The following CHST12 variants were observed in gnomAD, a reference collection of about 807,000 sequenced individuals.
CHST12 encodes carbohydrate (chondroitin 4) sulfotransferase 12.
A neutral mutation model predicts 27.9 loss-of-function variants in CHST12; 23 were observed. The observed-to-expected ratio is 0.82, with a 90% CI of 0.59 to 1.17. The LOEUF (loss-of-function observed/expected upper bound fraction) is 1.17, where lower values mean the gene tolerates loss of function less well. CHST12 is among the 50% of genes most tolerant of loss of function. The pLI, the probability that CHST12 is intolerant of heterozygous loss-of-function variation, is 0.00. For synonymous variants in CHST12, 322 were observed against 273.0 expected (o/e 1.18, Z -1.77); for missense variants, 682 against 603.0 (o/e 1.13, Z -1.37).
At chr7:2,405,513 G>T (rs1159223151) in intron 1 of CHST12, among the ~76,000 whole-genome samples, 2 of 152,204 alleles carry the variant, frequency 1.3e-5, no homozygotes, top group Non-Finnish European at 2.9e-5. Flanking sequence ...TATCCCTTTG[G>T]TGGTGGTTTG....
intron 1 of CHST12, among the ~76,000 whole-genome samples, chr7:2,425,007 A>T (rs889986177): frequency 6.6e-6 from 1 of 152,128 alleles, no homozygotes; most frequent in Non-Finnish European, 1.5e-5. Flanking sequence ...GGAGTTCAAG[A>T]CCAGCCTGGC....
intron 1 of CHST12, among the ~76,000 whole-genome samples, chr7:2,428,260 TC>T (rs1188618974): frequency 6.6e-6 from 1 of 150,740 alleles, no homozygotes; most frequent in Non-Finnish European, 1.5e-5. Context: ...AGTGGCACAA[TC>T]TCGGCTCACT....
At chr7:2,407,265 G>GC (rs1371213057) in intron 1 of CHST12, among the ~76,000 whole-genome samples, 1 of 151,058 alleles carries the variant, frequency 6.6e-6, no homozygotes, top group Non-Finnish European at 1.5e-5. Context: ...GGGCAACATA[G>GC]CAAGACCCCC....
At chr7:2,411,885 A>G (rs1461313742) in intron 1 of CHST12, among the ~76,000 whole-genome samples, 1 of 152,260 alleles carries the variant, frequency 6.6e-6, no homozygotes, top group African/African-American at 2.4e-5. Flanking sequence ...TGAGGAATAC[A>G]GAAGGTACAT....
chr7:2,434,964 C>T lies in CHST12; in HGVS notation c.*1080C>T, dbSNP rs1366502122. The T allele has an allele frequency of 1.3e-5, 2 of 152,098 alleles. No homozygotes were observed. Among genetic ancestry groups the T allele is most frequent in the Admixed American group, 1.3e-4 (2 of 15,242 alleles). 9.4% of individuals were successfully genotyped at this position (152,098 alleles called of 1,614,324 possible). On this transcript the variant is annotated 3_prime_UTR_variant, in exon 2 of 2. Coordinates refer to ENST00000618655, the MANE Select transcript of CHST12 (RefSeq NM_018641.5). ...GACGTGGTGGTGCACATCTGTAAAC[C>T]CAGCTACTCAGGAGGCTGAGGAGGG...
rs970473213 is a variant in CHST12 at position 2,407,759 on chromosome 7, A to G, written c.-78+4086A>G. 2.0e-5 allele frequency among the ~76,000 whole-genome samples: 3 copies of G among 151,336 alleles called. No homozygotes were observed. The South Asian group carries it at 6.3e-4, about 32-fold the overall frequency. Reference sequence around the variant, plus strand: ...AGCCTGGCCATCATGATGAAACCCCATCTCTACTAAAAATACAAAAATTAG... The same window carrying G: ...AGCCTGGCCATCATGATGAAACCCCGTCTCTACTAAAAATACAAAAATTAG... On this transcript the variant is annotated intron_variant, in intron 1 of 1. Transcript: ENST00000618655.
chr7:2,412,467 C>T (rs1490046300), intron 1 of CHST12, among the ~76,000 whole-genome samples: 1 of 152,192 alleles, frequency 6.6e-6, no homozygotes, highest in Non-Finnish European at 1.5e-5. Flanking sequence ...AGTTTCTGGT[C>T]TTTGTGTCAG....
intron 1 of CHST12, among the ~76,000 whole-genome samples, chr7:2,417,175 T>C (rs1781832544): frequency 6.6e-6 from 1 of 151,596 alleles, no homozygotes; most frequent in East Asian, 1.9e-4. Context: ...CGAAGACCAA[T>C]GTCCCAGCTC....
intron 1 of CHST12, among the ~76,000 whole-genome samples, chr7:2,425,438 C>T (rs1353416080): frequency 6.6e-6 from 1 of 152,058 alleles, no homozygotes; most frequent in Non-Finnish European, 1.5e-5. Context: ...TACCCTCCAC[C>T]CCCAAAAGGG....
rs1332883970 is a variant in CHST12 at position 2,435,643 on chromosome 7, G to C, written c.*1759G>C. On this transcript the variant is annotated 3_prime_UTR_variant, in exon 2 of 2. Coordinates refer to ENST00000618655, the MANE Select transcript of CHST12 (RefSeq NM_018641.5). ...CACCACTGCCCAGTCCCTGGTTGCT[G>C]GCCACGCTCAGTTGGGACATACCCT... 6.6e-6 allele frequency: 1 copy of C among 152,260 alleles called. No homozygotes were observed. The highest frequency in any genetic ancestry group is 1.5e-5 in the Non-Finnish European group (1 of 68,102). The allele number at this position is 152,260 out of a possible 1,614,324, so 9.4% of individuals were successfully genotyped here.
chr7:2,428,831 C>T (rs918130563), intron 1 of CHST12, among the ~76,000 whole-genome samples: 7 of 152,140 alleles, frequency 4.6e-5, no homozygotes, highest in African/African-American at 1.2e-4. Flanking sequence ...TACAAACAAT[C>T]CATAGAAACA....
intron 1 of CHST12, among the ~76,000 whole-genome samples, chr7:2,408,414 A>G (rs921854074): frequency 6.6e-6 from 1 of 151,758 alleles, no homozygotes; most frequent in Admixed American, 6.6e-5. Flanking sequence ...CCTCTCCAGG[A>G]CATACTGTTG....
At chr7:2,412,653 T>C (rs1239258347) in intron 1 of CHST12, among the ~76,000 whole-genome samples, 2 of 152,182 alleles carry the variant, frequency 1.3e-5, no homozygotes, top group African/African-American at 2.4e-5. Context: ...AAACATATAC[T>C]GTAGAGGCCA....
At chr7:2,410,741 G>A (rs946888312) in intron 1 of CHST12, among the ~76,000 whole-genome samples, 13 of 152,094 alleles carry the variant, frequency 8.5e-5, no homozygotes, top group African/African-American at 3.1e-4. Flanking sequence ...TGCTGGGTGC[G>A]GTGGATGAAC....
rs372379165 is a variant in CHST12 at position 2,433,459 on chromosome 7, A to G, written c.820A>G (p.Met274Val). The G allele has an allele frequency of 3.7e-6, 6 of 1,610,704 alleles. No individual in the cohort carries two copies. Among genetic ancestry groups the G allele is most frequent in the Non-Finnish European group, 4.2e-6 (5 of 1,179,936 alleles). Residue 274 changes from methionine to valine, a missense_variant, in exon 2 of 2, where the codon ATG becomes GTG. Met to Val is a conservative substitution (Grantham distance 21). Transcript: ENST00000618655. This position sits in a 1 kb window ranked among gnomAD's most constrained non-coding sequence, Gnocchi z 6.1. Reference protein sequence around the residue: ...EEFYRKFAVPMLRLYANHTSL... With the variant: ...EEFYRKFAVPVLRLYANHTSL... ...GTTCTACCGCAAGTTCGCCGTGCCC[A>G]TGCTGCGGCTGTACGCCAACCACAC...
At chr7:2,420,440 G>C (rs1001249757) in intron 1 of CHST12, among the ~76,000 whole-genome samples, 5 of 152,146 alleles carry the variant, frequency 3.3e-5, no homozygotes, top group African/African-American at 9.7e-5. Flanking sequence ...GAACACTTGG[G>C]TTCCTTCCAC....
At position 2,416,494 on chromosome 7, in the gene CHST12, C is replaced by T. The variant is rs117560201; in HGVS notation, c.-78+12821C>T. Among the ~76,000 whole-genome samples the T allele has an allele frequency of 1.7e-3, 259 of 152,334 alleles. 2 individuals are homozygous for T. The Middle Eastern group carries it at 0.017, about 10-fold the overall frequency. ...AGATCCTACAGAGGAATCACTATGG[C>T]AGCTTTAGCCTTACAAAATGTATTC... On this transcript the variant is annotated intron_variant, in intron 1 of 1. Coordinates refer to ENST00000618655, the MANE Select transcript of CHST12 (RefSeq NM_018641.5).
At position 2,439,129 on chromosome 7, in the gene CHST12, G is replaced by C. The variant is rs941212727; in HGVS notation, c.*5245G>C. ...AGCTGATTTGGGTTGGATTTCTAGC[G>C]TTTCACATACAGGATCTAGACTCGC... On this transcript the variant is annotated 3_prime_UTR_variant, in exon 2 of 2. Transcript: ENST00000618655. The C allele has an allele frequency of 3.3e-5, 5 of 152,164 alleles. No homozygotes were observed. Among genetic ancestry groups the C allele is most frequent in the Admixed American group, 3.3e-4 (5 of 15,262 alleles). The allele number at this position is 152,164 out of a possible 1,614,324, so 9.4% of individuals were successfully genotyped here.
In CHST12 at chr7:2,438,601, T is replaced by C. The variant is rs908179482; in HGVS notation, c.*4717T>C. On this transcript the variant is annotated 3_prime_UTR_variant, in exon 2 of 2. Transcript: ENST00000618655. Reference sequence around the variant, plus strand: ...ACATCCTCTTCTATCCTACCAAACCTAAGAATATCAAAAGGGAAAGCTTGG... The same window carrying C: ...ACATCCTCTTCTATCCTACCAAACCCAAGAATATCAAAAGGGAAAGCTTGG... The C allele has an allele frequency of 6.6e-6, 1 of 152,206 alleles. No homozygotes were observed. Among genetic ancestry groups the C allele is most frequent in the Admixed American group, 6.5e-5 (1 of 15,282 alleles). The allele number at this position is 152,206 out of a possible 1,614,324, so 9.4% of individuals were successfully genotyped here.
Sources: gnomAD v4.1 joint callset for allele counts (sites outside exome capture counted in the v4.1 genomes callset) on GRCh38, gnomAD v4.1.1 for gene constraint, Gnocchi (gnomAD v3.1) non-coding constraint, MANE v1.5 for transcripts, NCBI Gene and HGNC (gene_info 2026-07-23, HGNC 2026-07-21) for gene names.